The following CNNM2 variants were observed in gnomAD, a reference collection of about 807,000 sequenced individuals.
CNNM2 encodes cyclin and CBS domain divalent metal cation transport mediator 2.
Under a neutral mutation model 66.9 loss-of-function variants are expected in CNNM2, and 12 were observed. The ratio of observed to expected loss-of-function variants is 0.18; its 90% CI spans 0.11 to 0.29. The LOEUF (loss-of-function observed/expected upper bound fraction) is 0.29. Ranked by LOEUF, CNNM2 falls within the 10% of genes least tolerant of loss-of-function variation. CNNM2 has a pLI of 1.00. For synonymous variants in CNNM2, 557 were observed against 501.8 expected (o/e 1.11, Z -1.47); for missense variants, 705 against 1,167.7 (o/e 0.60, Z 5.77).
At chr10:102,951,542 C>T (rs544638176) in intron 1 of CNNM2, among the ~76,000 whole-genome samples, 9 of 151,976 alleles carry the variant, frequency 5.9e-5, no homozygotes, top group East Asian at 5.8e-4. Context: ...GCTTTGAGCA[C>T]GCTTGCATGC....
intron 1 of CNNM2, among the ~76,000 whole-genome samples, chr10:102,933,407 A>G (rs1206894896): frequency 6.6e-6 from 1 of 152,132 alleles, no homozygotes; most frequent in Non-Finnish European, 1.5e-5. Flanking sequence ...TGTTTTATTA[A>G]TGTTATCTTC....
chr10:103,038,527 G>A (rs1332447870), intron 1 of CNNM2, among the ~76,000 whole-genome samples: 1 of 152,150 alleles, frequency 6.6e-6, no homozygotes, highest in African/African-American at 2.4e-5. Flanking sequence ...CACTGTCATC[G>A]ACGCTAATAG....
At chr10:103,021,723 A>G (rs2064585274) in intron 1 of CNNM2, among the ~76,000 whole-genome samples, 1 of 151,488 alleles carries the variant, frequency 6.6e-6, no homozygotes, top group Non-Finnish European at 1.5e-5. Flanking sequence ...AAAGGGCAAC[A>G]TTGTCGGTGT....
intron 1 of CNNM2, among the ~76,000 whole-genome samples, chr10:102,962,228 T>A (rs891210170): frequency 3.9e-5 from 6 of 152,148 alleles, no homozygotes; most frequent in Non-Finnish European, 4.4e-5. Context: ...GGGCTTAATA[T>A]CTAAGGTGAT....
In CNNM2 at chr10:102,939,221, T is replaced by C. The variant is rs4919694; in HGVS notation, c.1621+19120T>C. Among the ~76,000 whole-genome samples the C allele has an allele frequency of 0.11, 16,509 of 152,244 alleles. 900 individuals carry two copies. The highest frequency in any genetic ancestry group is 0.17 in the Middle Eastern group (51 of 292). ...AGGTTGTAAATATTTCCTTAAGGCT[T>C]ACTTAGCTTCAGTGCAGGATCAGAG... is the stretch of plus-strand genomic sequence containing the variant. On this transcript the variant is annotated intron_variant, in intron 1 of 7. Coordinates refer to ENST00000369878, the MANE Select transcript of CNNM2 (RefSeq NM_017649.5).
intron 1 of CNNM2, among the ~76,000 whole-genome samples, chr10:102,925,586 C>T (rs1256892408): frequency 6.6e-6 from 1 of 152,148 alleles, no homozygotes. Flanking sequence ...ATCCCATGTC[C>T]CTGACTTCTA....
At chr10:103,050,364 T>C (rs2065195668) in intron 2 of CNNM2, among the ~76,000 whole-genome samples, 1 of 152,008 alleles carries the variant, frequency 6.6e-6, no homozygotes, top group Non-Finnish European at 1.5e-5. Flanking sequence ...AAACCTTGTC[T>C]TTACTAAAGA....
chr10:103,002,770 C>T (rs781288371), intron 1 of CNNM2, among the ~76,000 whole-genome samples: 139 of 152,096 alleles, frequency 9.1e-4, no homozygotes, highest in Admixed American at 2.1e-3. Context: ...TGAGCCACTG[C>T]GCCTGGCTGG....
intron 3 of CNNM2, among the ~76,000 whole-genome samples, chr10:103,056,403 C>A (rs925421817): frequency 6.6e-6 from 1 of 152,152 alleles, no homozygotes; most frequent in Non-Finnish European, 1.5e-5. Flanking sequence ...TGGCACTAAC[C>A]GCACCTGATG....
chr10:102,988,298 T>G (rs1395858946), intron 1 of CNNM2, among the ~76,000 whole-genome samples: 1 of 151,810 alleles, frequency 6.6e-6, no homozygotes, highest in Non-Finnish European at 1.5e-5. Flanking sequence ...GCGAGGCTGT[T>G]TCAAAAAAAT....
chr10:103,053,967 A>G (rs2065256311), intron 2 of CNNM2, among the ~76,000 whole-genome samples: 1 of 152,118 alleles, frequency 6.6e-6, no homozygotes, highest in Admixed American at 6.5e-5. Flanking sequence ...GCAACAGTGG[A>G]CTGTGCACTC....
intron 1 of CNNM2, among the ~76,000 whole-genome samples, chr10:103,017,028 C>G (rs1320364641): frequency 1.3e-5 from 2 of 151,002 alleles, no homozygotes; most frequent in East Asian, 3.9e-4. Context: ...ACACTTTTCT[C>G]CTTCAGGTTC....
chr10:103,085,653 C>T lies in CNNM2; in HGVS notation c.*8473C>T, dbSNP rs1235518656. ...AAACAAAGGGACGAGATTCAAAATT[C>T]ATCATTGTGTTTTAAATTTAAATTG... On this transcript the variant is annotated 3_prime_UTR_variant, in exon 8 of 8. Coordinates refer to ENST00000369878, the MANE Select transcript of CNNM2 (RefSeq NM_017649.5). The T allele has an allele frequency of 6.6e-6, 1 of 152,182 alleles. No homozygotes were observed. The highest frequency in any genetic ancestry group is 1.9e-4 in the East Asian group (1 of 5,200). The allele number at this position is 152,182 out of a possible 1,614,324, so 9.4% of individuals were successfully genotyped here. A position where few individuals can be genotyped will look rare whatever the true frequency, so the allele number is the denominator to read the frequency against.
At chr10:102,922,895 T>A (rs1386640499) in intron 1 of CNNM2, among the ~76,000 whole-genome samples, 2 of 145,994 alleles carry the variant, frequency 1.4e-5, no homozygotes, top group African/African-American at 5.1e-5. Flanking sequence ...TGAGCTGAGA[T>A]GGTGCCATTG....
chr10:103,045,972 C>A (rs532921838), intron 1 of CNNM2, among the ~76,000 whole-genome samples: 3 of 152,194 alleles, frequency 2.0e-5, no homozygotes, highest in Admixed American at 6.5e-5. Flanking sequence ...TCACTTTGTA[C>A]ATTTAATAAT....
rs4917994 is a variant in CNNM2, at chr10:103,051,942, C to T, written c.1765+2092C>T. 0.41 allele frequency among the ~76,000 whole-genome samples: 61,699 copies of T among 151,812 alleles called. 12,724 individuals carry two copies. The highest frequency in any genetic ancestry group is 0.56 in the East Asian group (2,893 of 5,154). ...GAGGTCTCAGAGAATATTATTTGTACGTTTACGTTCTTTTCATCCTTCCTC... is the reference window on the plus strand; with the variant it reads ...GAGGTCTCAGAGAATATTATTTGTATGTTTACGTTCTTTTCATCCTTCCTC... On this transcript the variant is annotated intron_variant, in intron 2 of 7. Coordinates refer to ENST00000369878, the MANE Select transcript of CNNM2 (RefSeq NM_017649.5).
chr10:102,934,489 G>A (rs1161339317), intron 1 of CNNM2, among the ~76,000 whole-genome samples: 1 of 151,574 alleles, frequency 6.6e-6, no homozygotes, highest in South Asian at 2.1e-4. Context: ...CCATGTTGGC[G>A]AGGCTGGTCT....
At chr10:103,036,788 A>G (rs2064947580) in intron 1 of CNNM2, among the ~76,000 whole-genome samples, 1 of 152,200 alleles carries the variant, frequency 6.6e-6, no homozygotes, top group Non-Finnish European at 1.5e-5. Context: ...CTTTTTAAAT[A>G]TTTGTTTAAA....
Position 102,940,512 on chromosome 10 carries a change from G to A in CNNM2, c.1621+20411G>A, listed in dbSNP as rs1221056269. 5.5e-5 allele frequency among the ~76,000 whole-genome samples: 3 copies of A among 54,436 alleles called. No individual in the cohort carries two copies. Among genetic ancestry groups the A allele is most frequent in the East Asian group, 6.8e-4 (2 of 2,948 alleles). The allele number at this position is 54,436 out of a possible 152,430, so 35.7% of individuals were successfully genotyped here. On this transcript the variant is annotated intron_variant, in intron 1 of 7. Coordinates refer to ENST00000369878, the MANE Select transcript of CNNM2 (RefSeq NM_017649.5). Reference sequence around the variant, plus strand: ...CGGCTCACTGCAAGCTCCGCCTCCCGGGTTCACACCATTCTCCTGTCTCAG... The same window carrying A: ...CGGCTCACTGCAAGCTCCGCCTCCCAGGTTCACACCATTCTCCTGTCTCAG...
Sources: gnomAD v4.1 joint callset for allele counts (sites outside exome capture counted in the v4.1 genomes callset) on GRCh38, gnomAD v4.1.1 for gene constraint, MANE v1.5 for transcripts, NCBI Gene and HGNC (gene_info 2026-07-23, HGNC 2026-07-21) for gene names.